Variants in KCNIP4 observed in about 807,000 individuals in gnomAD.
KCNIP4 encodes potassium voltage-gated channel interacting protein 4, also known as Kv channel-interacting protein 4.
KCNIP4 carries 12 observed loss-of-function variants against 34.0 expected under a neutral mutation model. The ratio of observed to expected loss-of-function variants is 0.35; its 90% CI spans 0.23 to 0.57. The LOEUF is 0.57. KCNIP4 is among the 20% of genes least tolerant of loss of function. The pLI is 0.83. For synonymous variants in KCNIP4, 124 were observed against 102.2 expected (o/e 1.21, Z -1.29); for missense variants, 238 against 311.7 (o/e 0.76, Z 1.78).
chr4:21,673,382 AAGT>A (rs1749651549), intron 1 of KCNIP4, among the ~76,000 whole-genome samples: 1 of 152,176 alleles, frequency 6.6e-6, no homozygotes, highest in Non-Finnish European at 1.5e-5. Flanking sequence ...TTTTGACACT[AAGT>A]AGCTTCATCT....
chr4:21,869,735 T>C (rs1267434632), intron 1 of KCNIP4, among the ~76,000 whole-genome samples: 10 of 38,348 alleles, frequency 2.6e-4, no homozygotes, highest in Admixed American at 5.9e-4. Context: ...AGGAGATAGA[T>C]AGATAGATAG....
At chr4:21,094,616 A>T (rs1027984188) in intron 1 of KCNIP4, among the ~76,000 whole-genome samples, 2 of 152,152 alleles carry the variant, frequency 1.3e-5, no homozygotes, top group African/African-American at 4.8e-5. Context: ...GGGGTCTCAC[A>T]TTGACTTGTG....
At chr4:21,363,069 C>T (rs144295816) in intron 1 of KCNIP4, among the ~76,000 whole-genome samples, 1 of 152,244 alleles carries the variant, frequency 6.6e-6, no homozygotes, top group East Asian at 1.9e-4. Context: ...TGAGTTCTTT[C>T]TTTATCTCCT....
chr4:20,996,070 T>C (rs1737526824), intron 1 of KCNIP4, among the ~76,000 whole-genome samples: 1 of 152,172 alleles, frequency 6.6e-6, no homozygotes, highest in Non-Finnish European at 1.5e-5. Context: ...AATGAGTCAA[T>C]TAACAACACT....
intron 1 of KCNIP4, among the ~76,000 whole-genome samples, chr4:21,134,492 A>T (rs778764185): frequency 9.9e-5 from 15 of 152,164 alleles, no homozygotes; most frequent in Non-Finnish European, 1.5e-4. Flanking sequence ...GTTATACATG[A>T]ATTTTCAACT....
intron 2 of KCNIP4, among the ~76,000 whole-genome samples, chr4:20,864,169 T>TATACATATCCATGTATGC (rs1560525561): frequency 1.4e-5 from 1 of 71,526 alleles, no homozygotes; most frequent in Non-Finnish European, 3.6e-5. Context: ...CACATGTATG[T>TATACATATCCATGTATGC]ATACACATGT....
intron 1 of KCNIP4, among the ~76,000 whole-genome samples, chr4:21,570,824 C>G (rs150780556): frequency 6.6e-6 from 1 of 152,032 alleles, no homozygotes; most frequent in South Asian, 2.1e-4. Context: ...GAGCACTTTC[C>G]TATATCACAT....
At chr4:20,798,603 A>G (rs1385195001) in intron 3 of KCNIP4, among the ~76,000 whole-genome samples, 1 of 152,172 alleles carries the variant, frequency 6.6e-6, no homozygotes, top group Non-Finnish European at 1.5e-5. Flanking sequence ...GGAGAGCTCT[A>G]GAGAATAGCA....
intron 1 of KCNIP4, among the ~76,000 whole-genome samples, chr4:21,357,038 C>A (rs767816352): frequency 3.3e-5 from 5 of 152,130 alleles, no homozygotes; most frequent in Non-Finnish European, 5.9e-5. Context: ...TGATCTTTGA[C>A]AAATCTTACA....
chr4:21,260,546 G>A lies in KCNIP4; in HGVS notation c.62-377837C>T, dbSNP rs560892671. 2.6e-5 allele frequency among the ~76,000 whole-genome samples: 4 copies of A among 151,672 alleles called. No homozygotes were observed. In the South Asian group the frequency reaches 6.3e-4, roughly 24 times the overall value. Reference sequence around the variant, plus strand: ...TCCAGCGGCCAAGTGTAAATGTTAGGCCACATGAGCATAAACACATCTGGC... The same window carrying A: ...TCCAGCGGCCAAGTGTAAATGTTAGACCACATGAGCATAAACACATCTGGC... On this transcript the variant is annotated intron_variant, in intron 1 of 8. Coordinates refer to ENST00000382152, the MANE Select transcript of KCNIP4 (RefSeq NM_025221.6).
intron 1 of KCNIP4, among the ~76,000 whole-genome samples, chr4:21,608,071 A>C (rs1362968568): frequency 6.6e-6 from 1 of 151,688 alleles, no homozygotes; most frequent in Admixed American, 6.6e-5. Flanking sequence ...CTTTTCTCTT[A>C]AAGGCTTTAT....
At chr4:21,466,080 C>T (rs576505213) in intron 1 of KCNIP4, among the ~76,000 whole-genome samples, 1 of 152,188 alleles carries the variant, frequency 6.6e-6, no homozygotes, top group Non-Finnish European at 1.5e-5. Context: ...TTACAACACA[C>T]AAGTTCACTA....
intron 1 of KCNIP4, among the ~76,000 whole-genome samples, chr4:20,935,633 C>T (rs1730986442): frequency 6.6e-6 from 1 of 152,126 alleles, no homozygotes; most frequent in South Asian, 2.1e-4. Flanking sequence ...GTAAAATATC[C>T]TATAATAACT....
At chr4:20,952,362 T>C (rs1361792163) in intron 1 of KCNIP4, among the ~76,000 whole-genome samples, 2 of 152,184 alleles carry the variant, frequency 1.3e-5, no homozygotes, top group Admixed American at 1.3e-4. Context: ...GAATGACATG[T>C]TCATTATCTC....
intron 1 of KCNIP4, among the ~76,000 whole-genome samples, chr4:20,970,822 G>A (rs189644426): frequency 6.6e-6 from 1 of 152,300 alleles, no homozygotes; most frequent in Non-Finnish European, 1.5e-5. Flanking sequence ...AAACTTGCCT[G>A]TCCATGATCT....
intron 1 of KCNIP4, among the ~76,000 whole-genome samples, chr4:21,393,621 A>G (rs1306103317): frequency 6.6e-6 from 1 of 152,208 alleles, no homozygotes; most frequent in Non-Finnish European, 1.5e-5. Flanking sequence ...GACTAATGGT[A>G]ATAACTGACA....
rs1341048275 is a variant in KCNIP4 at position 21,304,093 on chromosome 4, G to C, written c.62-421384C>G. ...ACAGAGAGAGAGAGAGAGACAGAGA[G>C]AGAGAGAGAGAGAGACAGAGGAGAG... On this transcript the variant is annotated intron_variant, in intron 1 of 8. Coordinates refer to ENST00000382152, the MANE Select transcript of KCNIP4 (RefSeq NM_025221.6). The C allele has an allele frequency of 4.2e-4, 183 of 440,848 alleles. 1 individual carries two copies. The highest frequency in any genetic ancestry group is 5.5e-4 in the Non-Finnish European group (161 of 292,834). 27.3% of individuals were successfully genotyped at this position (440,848 alleles called of 1,614,324 possible). A position where few individuals can be genotyped will look rare whatever the true frequency, so the allele number is the denominator to read the frequency against.
chr4:21,100,388 C>CA (rs1295933197), intron 1 of KCNIP4, among the ~76,000 whole-genome samples: 1 of 151,914 alleles, frequency 6.6e-6, no homozygotes, highest in Admixed American at 6.6e-5. Context: ...CTGTCTCTAT[C>CA]AAAAAATACA....
intron 1 of KCNIP4, among the ~76,000 whole-genome samples, chr4:21,677,261 G>T (rs1034493697): frequency 2.6e-5 from 4 of 152,106 alleles, no homozygotes; most frequent in African/African-American, 9.7e-5. Flanking sequence ...AAGGCATCTG[G>T]CCTGATTCAC....
Sources: allele counts gnomAD v4.1 joint callset (sites outside exome capture counted in the v4.1 genomes callset), GRCh38; gene constraint gnomAD v4.1.1; transcripts MANE v1.5; gene names NCBI Gene and HGNC (gene_info 2026-07-23, HGNC 2026-07-21).